The following FARSB variants were observed in gnomAD, a reference collection of about 807,000 sequenced individuals.
FARSB encodes phenylalanyl-tRNA synthetase subunit beta, also known as phenylalanine--tRNA ligase beta subunit.
In FARSB, 40 loss-of-function variants were observed where a neutral mutation model predicts 69.6. The observed-to-expected ratio is 0.57, with a 90% CI of 0.45 to 0.75. The LOEUF is 0.75. Among genes scored for constraint, FARSB ranks in the 30% least tolerant of loss-of-function variants. The pLI, the probability that FARSB is intolerant of heterozygous loss-of-function variation, is 0.00. For missense variants in FARSB, 632 were observed against 722.9 expected (o/e 0.87, Z 1.44); for synonymous variants, 235 against 247.2 (o/e 0.95, Z 0.46).
In FARSB at chr2:222,639,683, G is replaced by T. The variant is rs1449497502; in HGVS notation, c.352C>A (p.Arg118Ser). The T allele has an allele frequency of 1.3e-6, 2 of 1,541,498 alleles. No homozygotes were observed. The highest frequency in any genetic ancestry group is 1.8e-5 in the Admixed American group (1 of 56,054). ...AGAACTGCTGCTACCGCAAAAGGAC[G>T]TATCTTAGCTGTCTGAAATTCATAA... ...LIITEETAKI[R>S]PFAVAAVLRN... Residue 118 changes from arginine to serine, a missense_variant, in exon 5 of 17, where the codon CGT becomes AGT. Arg to Ser is a moderately radical substitution (Grantham distance 110). Coordinates refer to ENST00000281828, the MANE Select transcript of FARSB (RefSeq NM_005687.5).
At chr2:222,589,965 G>T (rs1312487934) in intron 16 of FARSB, among the ~76,000 whole-genome samples, 1 of 152,146 alleles carries the variant, frequency 6.6e-6, no homozygotes, top group Non-Finnish European at 1.5e-5. Flanking sequence ...GGCGATTCCT[G>T]AGGGATCTAG....
intron 5 of FARSB, among the ~76,000 whole-genome samples, chr2:222,638,721 A>G (rs1363576669): frequency 6.6e-6 from 1 of 152,230 alleles, no homozygotes; most frequent in East Asian, 1.9e-4. Context: ...ACAGTTTACT[A>G]AACTACAATT....
intron 6 of FARSB, 126 bp downstream of exon 6, chr2:222,634,265 T>C (rs191051495): frequency 4.0e-4 from 232 of 576,060 alleles, no homozygotes; most frequent in Middle Eastern, 1.5e-3. Context: ...TCACTGTCTC[T>C]AGGTTGGAGT....
At chr2:222,628,587 C>T (rs1691335378) in intron 10 of FARSB, among the ~76,000 whole-genome samples, 1 of 152,156 alleles carries the variant, frequency 6.6e-6, no homozygotes, top group South Asian at 2.1e-4. Context: ...CCTAGCTCTA[C>T]CACTTAAAAA....
At chr2:222,646,949 G>A (rs12474777) in intron 2 of FARSB, among the ~76,000 whole-genome samples, 8,228 of 152,268 alleles carry the variant, frequency 0.054, 450 homozygotes, top group African/African-American at 0.14. Flanking sequence ...AGCGATGCTG[G>A]TGATCAGTGG....
chr2:222,611,212 A>T (rs931335258), intron 15 of FARSB, among the ~76,000 whole-genome samples: 1 of 152,166 alleles, frequency 6.6e-6, no homozygotes, highest in African/African-American at 2.4e-5. Flanking sequence ...GAAGAATGGT[A>T]CAAGACAACA....
intron 16 of FARSB, among the ~76,000 whole-genome samples, chr2:222,595,307 C>T (rs1317931402): frequency 1.3e-5 from 2 of 152,134 alleles, no homozygotes; most frequent in African/African-American, 2.4e-5. Flanking sequence ...TTTCCAAGCT[C>T]ATGTTACACT....
chr2:222,580,004 A>G (rs909106101), intron 16 of FARSB, among the ~76,000 whole-genome samples: 1 of 152,226 alleles, frequency 6.6e-6, no homozygotes, highest in African/African-American at 2.4e-5. Flanking sequence ...TTAGTGACAG[A>G]ACGACTTGCC....
Position 222,571,902 on chromosome 2 carries a change from G to A in FARSB, c.1739C>T (p.Ser580Phe). 4 of 1,613,428 alleles carry A rather than the reference G, an allele frequency of 2.5e-6. No homozygotes were observed. In the Middle Eastern group the frequency reaches 5.0e-4, roughly 200 times the overall value. Residue 580 changes from serine (S) to phenylalanine (F), a missense_variant, in exon 17 of 17, where the codon TCC (serine) becomes TTC (phenylalanine). By Grantham distance (155) the Ser-to-Phe change is radical (BLOSUM62 -2). Coordinates refer to ENST00000281828, the MANE Select transcript of FARSB (RefSeq NM_005687.5). ...AAAGGGTCCAACATTGATTTCTAGG[G>A]AGGAGCAGGGCATGGTCAGCTCAAA... ...TKFELTMPCS[S>F]LEINVGPFL
intron 4 of FARSB, among the ~76,000 whole-genome samples, chr2:222,640,218 C>T (rs1342393649): frequency 6.6e-6 from 1 of 152,186 alleles, no homozygotes; most frequent in East Asian, 1.9e-4. Flanking sequence ...GGACCAGGCA[C>T]AGAGGCTCAC....
chr2:222,640,114 A>T (rs1055058823), intron 4 of FARSB, among the ~76,000 whole-genome samples: 20 of 148,580 alleles, frequency 1.3e-4, no homozygotes, highest in Non-Finnish European at 2.4e-4. Flanking sequence ...TTCCTAGGTT[A>T]AAAAAAAATG....
intron 14 of FARSB, among the ~76,000 whole-genome samples, chr2:222,615,161 T>C (rs534926089): frequency 5.9e-5 from 9 of 152,208 alleles, no homozygotes; most frequent in Non-Finnish European, 1.3e-4. Flanking sequence ...CTATACGGAA[T>C]ATATTAGCTT....
chr2:222,620,728 G>A (rs1264772592), intron 13 of FARSB, among the ~76,000 whole-genome samples: 3 of 152,136 alleles, frequency 2.0e-5, no homozygotes, highest in Non-Finnish European at 2.9e-5. Flanking sequence ...AAAAACTGAT[G>A]TACCATCAGA....
intron 14 of FARSB, among the ~76,000 whole-genome samples, chr2:222,617,407 T>A (rs1691025725): frequency 1.3e-5 from 2 of 152,162 alleles, no homozygotes; most frequent in African/African-American, 4.8e-5. Flanking sequence ...TCTTAAGAAA[T>A]CTATCAAGCT....
At chr2:222,621,213 A>G (rs1032129480) in intron 13 of FARSB, among the ~76,000 whole-genome samples, 7 of 152,316 alleles carry the variant, frequency 4.6e-5, no homozygotes, top group South Asian at 4.1e-4. Context: ...TTATCATGGC[A>G]ATGGATAATA....
chr2:222,639,924 GAA>G (rs1182148814), intron 4 of FARSB, among the ~76,000 whole-genome samples: 2 of 152,112 alleles, frequency 1.3e-5, no homozygotes, highest in Non-Finnish European at 2.9e-5. Context: ...AAATAATTGA[GAA>G]AAAGTTTGCT....
chr2:222,646,146 G>T (rs576100049), intron 2 of FARSB, among the ~76,000 whole-genome samples: 1 of 152,002 alleles, frequency 6.6e-6, no homozygotes, highest in Non-Finnish European at 1.5e-5. Context: ...TAATTATTCC[G>T]ACTAGATTAC....
intron 1 of FARSB, among the ~76,000 whole-genome samples, chr2:222,649,439 A>G (rs1574957134): frequency 6.6e-6 from 1 of 152,258 alleles, no homozygotes; most frequent in Non-Finnish European, 1.5e-5. Context: ...CAAATCACAG[A>G]TCTCACACAA....
chr2:222,567,423 G>GTATT lies in FARSB; in HGVS notation c.*4444_*4447dup, dbSNP rs1459075572. 1 of 152,176 alleles carries GTATT rather than the reference G, an allele frequency of 6.6e-6. No homozygotes were observed. Among genetic ancestry groups the GTATT allele is most frequent in the Non-Finnish European group, 1.5e-5 (1 of 68,022 alleles). The allele number at this position is 152,176 out of a possible 1,614,324, so 9.4% of individuals were successfully genotyped here. On this transcript the variant is annotated 3_prime_UTR_variant, in exon 17 of 17. Transcript: ENST00000281828. ...CAGAAGGGCCAAAGTAAATACTCAA[G>GTATT]TATTAGGGTTAGTGATGTTATATAA...
Sources: gnomAD v4.1 joint callset for allele counts (sites outside exome capture counted in the v4.1 genomes callset) on GRCh38, gnomAD v4.1.1 for gene constraint, MANE v1.5 for transcripts, NCBI Gene and HGNC (gene_info 2026-07-23, HGNC 2026-07-21) for gene names.